GAGE10: variants seen among roughly 807,000 people sequenced by gnomAD.
GAGE10 encodes the protein G antigen 10.
In GAGE10, 9 loss-of-function variants were observed where a neutral mutation model predicts 11.5. The observed-to-expected ratio is 0.78, with a 90% CI of 0.47 to 1.37. GAGE10 has a LOEUF of 1.37. Among genes scored for constraint, GAGE10 ranks in the 40% most tolerant of loss-of-function variants. The pLI, the probability that GAGE10 is intolerant of heterozygous loss-of-function variation, is 0.00. For synonymous variants in GAGE10, 23 were observed against 29.7 expected, an observed-to-expected ratio of 0.77 and a Z score of 0.73; for missense variants, 83 against 92.9, an observed-to-expected ratio of 0.89 and a Z score of 0.44.
intron 3 of GAGE10, among the ~76,000 whole-genome samples, chrX:49,316,549 C>T (rs186730295): frequency 1.1e-3 from 118 of 111,529 alleles, no homozygotes; most frequent in African/African-American, 3.5e-3. Flanking sequence ...TGAGACCCCA[C>T]GCCCAACGCA....
intron 3 of GAGE10, among the ~76,000 whole-genome samples, chrX:49,312,743 C>T (rs782023678): frequency 4.1e-4 from 46 of 112,679 alleles, no homozygotes; most frequent in African/African-American, 1.2e-3. Context: ...TGTTCTCTGA[C>T]GGGAGGCTAG....
chrX:49,317,321 G>C (rs1557125418), intron 4 of GAGE10, 33 bp downstream of exon 4: 4 of 1,180,732 alleles, frequency 3.4e-6, no homozygotes, highest in Non-Finnish European at 4.6e-6. Context: ...ACATTGTAGG[G>C]TGTCTGTTTC....
At chrX:49,315,437 G>A in intron 3 of GAGE10, among the ~76,000 whole-genome samples, 1 of 111,942 alleles carries the variant, frequency 8.9e-6, no homozygotes, top group East Asian at 2.8e-4. Flanking sequence ...GGCACAGGAT[G>A]GGTCATGGGG....
At chrX:49,306,458 A>G (rs1557124159) in intron 3 of GAGE10, among the ~76,000 whole-genome samples, 1 of 112,392 alleles carries the variant, frequency 8.9e-6, no homozygotes, top group Non-Finnish European at 1.9e-5. Flanking sequence ...TTATTTGAAC[A>G]AAATGAAGTT....
chrX:49,305,094 A>G (rs1215622435), intron 2 of GAGE10, among the ~76,000 whole-genome samples, 154 bp downstream of exon 2: 2 of 111,922 alleles, frequency 1.8e-5, no homozygotes, highest in Non-Finnish European at 3.8e-5. Context: ...ATTCTGGAGA[A>G]TTTTTTTTCC....
intron 1 of GAGE10, among the ~76,000 whole-genome samples, chrX:49,304,315 C>T (rs1409726884): frequency 1.8e-5 from 2 of 112,575 alleles, no homozygotes; most frequent in African/African-American, 6.5e-5. Flanking sequence ...GCTGTGCGGT[C>T]CAATCAAACT....
intron 3 of GAGE10, among the ~76,000 whole-genome samples, chrX:49,310,654 G>GC (rs1557124627): frequency 9.1e-6 from 1 of 110,175 alleles, no homozygotes; most frequent in African/African-American, 3.3e-5. Context: ...ATCCTTTTAG[G>GC]CCCCGGGGAG....
intron 3 of GAGE10, among the ~76,000 whole-genome samples, chrX:49,306,197 T>G (rs1465716154): frequency 8.9e-6 from 1 of 112,331 alleles, no homozygotes; most frequent in African/African-American, 3.2e-5. Context: ...TAATTTCTCC[T>G]AGATAAAATA....
intron 3 of GAGE10, among the ~76,000 whole-genome samples, chrX:49,311,067 C>T (rs1557124689): frequency 9.1e-6 from 1 of 110,306 alleles, no homozygotes. Flanking sequence ...GCTACCGGAG[C>T]CAGACCTACA....
intron 3 of GAGE10, among the ~76,000 whole-genome samples, chrX:49,311,794 C>T (rs1207907418): frequency 2.7e-5 from 3 of 112,025 alleles, no homozygotes; most frequent in Non-Finnish European, 3.8e-5. Flanking sequence ...CTTATCCAAG[C>T]GACTGGACTT....
Position 49,317,211 on chromosome X carries a change from G to T in GAGE10, c.251G>T (p.Gly84Val), listed in dbSNP as rs1315219841. 3.3e-6 allele frequency: 4 copies of T among 1,205,509 alleles called. No homozygotes were observed. The highest frequency in any genetic ancestry group is 2.2e-5 in the Admixed American group (1 of 45,598). Residue 84 changes from glycine to valine, a missense_variant, in exon 4 of 5, where the codon GGG (glycine) becomes GTG (valine). By Grantham distance (109) the Gly-to-Val change is moderately radical. Transcript: ENST00000407599. ...DSQEQVHPKTGCECGDGPDGQ... is the reference protein window; with the variant it reads ...DSQEQVHPKTVCECGDGPDGQ... ...CAGGAACAGGTTCACCCAAAGACTG[G>T]GTGTGAGTGTGGAGATGGTCCTGAT... is the stretch of plus-strand genomic sequence containing the variant.
chrX:49,308,187 T>C (rs1557124351), intron 3 of GAGE10, among the ~76,000 whole-genome samples: 1 of 112,677 alleles, frequency 8.9e-6, no homozygotes, highest in African/African-American at 3.2e-5. Flanking sequence ...GATGTTAATC[T>C]GACTAGGTCG....
At chrX:49,314,585 A>G (rs1557125026) in intron 3 of GAGE10, among the ~76,000 whole-genome samples, 2 of 112,623 alleles carry the variant, frequency 1.8e-5, no homozygotes, top group Non-Finnish European at 3.7e-5. Context: ...ACAGACAAGG[A>G]GCAGGCCTTG....
chrX:49,317,433 C>T (rs1200961320), intron 4 of GAGE10, 145 bp downstream of exon 4: 7 of 969,025 alleles, frequency 7.2e-6, no homozygotes, highest in East Asian at 3.6e-5. Flanking sequence ...TTGGAAATTC[C>T]GCCTTCTGGG....
At chrX:49,310,684 T>C (rs1270825918) in intron 3 of GAGE10, among the ~76,000 whole-genome samples, 1 of 108,981 alleles carries the variant, frequency 9.2e-6, no homozygotes, top group African/African-American at 3.4e-5. Context: ...TCTATGGAAG[T>C]AGGGGGCCGA....
chrX:49,314,346 A>G (rs1181302084), intron 3 of GAGE10, among the ~76,000 whole-genome samples: 1 of 112,640 alleles, frequency 8.9e-6, no homozygotes, highest in African/African-American at 3.2e-5. Flanking sequence ...TAGCAGGACC[A>G]GCCCTAAACA....
At chrX:49,305,945 A>C (rs1422454154) in intron 3 of GAGE10, among the ~76,000 whole-genome samples, 1 of 111,744 alleles carries the variant, frequency 8.9e-6, no homozygotes, top group Non-Finnish European at 1.9e-5. Flanking sequence ...CTGACCCAAG[A>C]ATAGACCCAG....
rs1404630571 is a variant in GAGE10, at chrX:49,306,814, G to T, written c.202+1290G>T. ...AAGCCCAGCCTGGGAAACATAGCAA[G>T]ACCTTATCACTAATAAATAAATAAA... On this transcript the variant is annotated intron_variant, in intron 3 of 4. Transcript: ENST00000407599. 4.9e-5 allele frequency among the ~76,000 whole-genome samples: 5 copies of T among 101,667 alleles called. No homozygotes were observed. In the Admixed American group the frequency reaches 5.5e-4, roughly 11 times the overall value. 88.3% of individuals were successfully genotyped at this position (101,667 alleles called of 115,157 possible).
intron 3 of GAGE10, among the ~76,000 whole-genome samples, chrX:49,309,764 C>G (rs1371673784): frequency 9.0e-6 from 1 of 111,444 alleles, no homozygotes; most frequent in African/African-American, 3.3e-5. Context: ...GCTAACTGCC[C>G]CTAAGGAGTT....
Sources: allele counts gnomAD v4.1 joint callset (sites outside exome capture counted in the v4.1 genomes callset), GRCh38; gene constraint gnomAD v4.1.1; transcripts MANE v1.5; gene names NCBI Gene and HGNC (gene_info 2026-07-23, HGNC 2026-07-21).